The following TMX4 variants were observed in gnomAD, a reference collection of about 807,000 sequenced individuals.
TMX4 encodes the protein thioredoxin related transmembrane protein 4, also known as thioredoxin-related transmembrane protein 4.
In TMX4, 23 loss-of-function variants were observed where a neutral mutation model predicts 33.3. That is an observed-to-expected ratio of 0.69 (90% CI 0.50 to 0.98). TMX4 has a LOEUF of 0.98. Among genes scored for constraint, TMX4 ranks in the 50% least tolerant of loss-of-function variants. The pLI, the probability that TMX4 is intolerant of heterozygous loss-of-function variation, is 0.00. For synonymous variants in TMX4, 164 were observed against 161.5 expected, an observed-to-expected ratio of 1.02 and a Z score of -0.12; for missense variants, 399 against 448.9, an observed-to-expected ratio of 0.89 and a Z score of 1.01.
At chr20:7,983,348 T>C (rs1411847696) in intron 7 of TMX4, among the ~76,000 whole-genome samples, 2 of 152,220 alleles carry the variant, frequency 1.3e-5, no homozygotes, top group Non-Finnish European at 2.9e-5. Context: ...AACATCTTTA[T>C]GCAGTCTCAA....
At chr20:8,013,170 T>C (rs1167921144) in intron 1 of TMX4, among the ~76,000 whole-genome samples, 2 of 152,146 alleles carry the variant, frequency 1.3e-5, no homozygotes, top group Non-Finnish European at 2.9e-5. Context: ...AATTTATGTA[T>C]ATATGCATAA....
chr20:8,019,236 G>T, intron 1 of TMX4: 1 of 605,930 alleles, frequency 1.7e-6, no homozygotes, highest in Non-Finnish European at 2.7e-6. Context: ...GGTAAGGCGG[G>T]TCCGCGGACC....
At chr20:8,005,150 G>T (rs1600145780) in intron 2 of TMX4, among the ~76,000 whole-genome samples, 1 of 152,168 alleles carries the variant, frequency 6.6e-6, no homozygotes, top group Non-Finnish European at 1.5e-5. Context: ...GCTTACACTT[G>T]GCTGTGGCAG....
intron 2 of TMX4, among the ~76,000 whole-genome samples, chr20:8,008,418 A>T (rs945674140): frequency 1.3e-5 from 2 of 152,176 alleles, no homozygotes; most frequent in African/African-American, 4.8e-5. Flanking sequence ...TCAACATTGA[A>T]TGTATTAAAA....
intron 4 of TMX4, among the ~76,000 whole-genome samples, chr20:7,997,449 C>T (rs1230172430): frequency 3.3e-5 from 5 of 151,672 alleles, no homozygotes; most frequent in African/African-American, 9.7e-5. Flanking sequence ...TTGTTAAATG[C>T]GCAGGCATGC....
At chr20:8,019,086 T>A (rs1415782233) in intron 1 of TMX4, 3 of 478,466 alleles carry the variant, frequency 6.3e-6, no homozygotes, top group Middle Eastern at 3.0e-4. Flanking sequence ...TCCCTTCTCC[T>A]CCCTATGGGA....
At chr20:7,989,168 T>C (rs939440770) in intron 5 of TMX4, among the ~76,000 whole-genome samples, 1 of 152,194 alleles carries the variant, frequency 6.6e-6, no homozygotes, top group Non-Finnish European at 1.5e-5. Context: ...AAATACTGTG[T>C]ATTAAGCTTA....
chr20:8,002,615 G>C (rs1296878676), intron 2 of TMX4, among the ~76,000 whole-genome samples: 2 of 152,146 alleles, frequency 1.3e-5, no homozygotes, highest in Non-Finnish European at 2.9e-5. Flanking sequence ...TCCCACTGTA[G>C]AACAATGTGG....
intron 6 of TMX4, among the ~76,000 whole-genome samples, chr20:7,984,934 G>A (rs6140480): frequency 6.6e-6 from 1 of 152,138 alleles, no homozygotes; most frequent in Non-Finnish European, 1.5e-5. Context: ...GCCAGCCTCA[G>A]GCAGCTTTGT....
At chr20:7,999,674 T>C (rs2050694586) in intron 4 of TMX4, 58 bp downstream of exon 4, 10 of 1,563,180 alleles carry the variant, frequency 6.4e-6, no homozygotes, top group African/African-American at 1.4e-5. Flanking sequence ...ACCCACAGGC[T>C]ATTAACTTAA....
intron 4 of TMX4, among the ~76,000 whole-genome samples, chr20:7,996,740 T>TTC (rs1462431245): frequency 6.6e-6 from 1 of 152,140 alleles, no homozygotes; most frequent in Non-Finnish European, 1.5e-5. Context: ...CACGAGCAAC[T>TTC]TCTCTCTCTC....
chr20:8,001,168 T>C (rs897314194), intron 3 of TMX4, among the ~76,000 whole-genome samples: 1 of 152,234 alleles, frequency 6.6e-6, no homozygotes, highest in Non-Finnish European at 1.5e-5. Context: ...TCTTGGGCTT[T>C]TTTATGCTAT....
intron 1 of TMX4, among the ~76,000 whole-genome samples, chr20:8,015,597 C>A (rs894252280): frequency 1.5e-4 from 23 of 152,230 alleles, no homozygotes; most frequent in African/African-American, 5.1e-4. Context: ...AGCTCCCCAA[C>A]ACTGAACCTG....
At chr20:7,989,690 T>G (rs2050646002) in intron 5 of TMX4, among the ~76,000 whole-genome samples, 1 of 152,232 alleles carries the variant, frequency 6.6e-6, no homozygotes, top group Non-Finnish European at 1.5e-5. Flanking sequence ...CTACTTTGTC[T>G]GAGTCTACAA....
At chr20:8,000,716 C>A (rs780148072) in intron 3 of TMX4, among the ~76,000 whole-genome samples, 3 of 152,114 alleles carry the variant, frequency 2.0e-5, no homozygotes, top group Non-Finnish European at 4.4e-5. Context: ...TCAACTTTTA[C>A]CTCAATGCTG....
chr20:8,002,092 C>T (rs945720622), intron 2 of TMX4, among the ~76,000 whole-genome samples: 4 of 151,924 alleles, frequency 2.6e-5, no homozygotes, highest in Admixed American at 1.3e-4. Flanking sequence ...CTGTAAGTAC[C>T]GTAAAGGGAA....
intron 5 of TMX4, among the ~76,000 whole-genome samples, chr20:7,995,162 AAAAG>A (rs1430061764): frequency 1.3e-5 from 2 of 151,808 alleles, no homozygotes; most frequent in Admixed American, 6.5e-5. Context: ...GAGAAACAGA[AAAAG>A]AGTCTTCACA....
intron 2 of TMX4, among the ~76,000 whole-genome samples, chr20:8,005,481 G>C (rs2050725059): frequency 2.6e-5 from 4 of 152,222 alleles, no homozygotes; most frequent in Non-Finnish European, 1.5e-5. Context: ...GGAGGGGAAA[G>C]ATGGGCCCCT....
rs1265249682 is a variant in TMX4 at position 7,996,527 on chromosome 20, C to T, written c.468-456G>A. The stretch of plus-strand genomic sequence containing the variant: ...GCTAACAAGCACTCCTCATATGTCA[C>T]TGTGAAATCAGAAGCCACCATGTGC... On this transcript the variant is annotated intron_variant, in intron 4 of 7. Coordinates refer to ENST00000246024, the MANE Select transcript of TMX4 (RefSeq NM_021156.4). Among the ~76,000 whole-genome samples the T allele has an allele frequency of 1.3e-5, 2 of 152,300 alleles. 1 individual carries two copies. The highest frequency in any genetic ancestry group is 6.8e-3 in the Middle Eastern group (2 of 294).
Sources: allele counts gnomAD v4.1 joint callset (sites outside exome capture counted in the v4.1 genomes callset), GRCh38; gene constraint gnomAD v4.1.1; transcripts MANE v1.5; gene names NCBI Gene and HGNC (gene_info 2026-07-23, HGNC 2026-07-21).